CRACD: variants seen among roughly 807,000 people sequenced by gnomAD.
CRACD encodes the protein capping protein inhibiting regulator of actin dynamics.
In CRACD, 56 loss-of-function variants were observed where a neutral mutation model predicts 106.8. That is an observed-to-expected ratio of 0.52 (90% CI 0.42 to 0.66). The LOEUF (loss-of-function observed/expected upper bound fraction) is 0.66. Ranked by LOEUF, CRACD falls within the 30% of genes least tolerant of loss-of-function variation. The pLI, the probability that CRACD is intolerant of heterozygous loss-of-function variation, is 0.00. For synonymous variants in CRACD, 754 were observed against 670.8 expected, an observed-to-expected ratio of 1.12 and a Z score of -1.92; for missense variants, 1,730 against 1,623.2, an observed-to-expected ratio of 1.07 and a Z score of -1.13.
intron 1 of CRACD, among the ~76,000 whole-genome samples, chr4:56,137,556 A>G (rs1367213587): frequency 6.6e-6 from 1 of 152,214 alleles, no homozygotes; most frequent in Non-Finnish European, 1.5e-5. Context: ...GCCTAAAAAC[A>G]TTGCTTCAGA....
intron 1 of CRACD, among the ~76,000 whole-genome samples, chr4:56,158,829 C>T (rs1735847169): frequency 6.6e-6 from 1 of 152,238 alleles, no homozygotes; most frequent in African/African-American, 2.4e-5. Flanking sequence ...CAGCACAGAT[C>T]TTAGAGCACA....
chr4:56,296,820 T>G (rs1042430254), intron 3 of CRACD, among the ~76,000 whole-genome samples: 1 of 152,202 alleles, frequency 6.6e-6, no homozygotes, highest in Non-Finnish European at 1.5e-5. Flanking sequence ...CAGAGATAAG[T>G]TAGTTTCCAA....
At chr4:56,293,578 G>C (rs1005591204) in intron 3 of CRACD, among the ~76,000 whole-genome samples, 1 of 152,196 alleles carries the variant, frequency 6.6e-6, no homozygotes, top group Non-Finnish European at 1.5e-5. Flanking sequence ...AAGCATAGTG[G>C]CTTCCACTTC....
At chr4:56,236,817 G>A (rs1302578395) in intron 2 of CRACD, among the ~76,000 whole-genome samples, 1 of 151,204 alleles carries the variant, frequency 6.6e-6, no homozygotes, top group African/African-American at 2.4e-5. Context: ...AAATATATTT[G>A]CAACGTATTA....
At chr4:56,091,379 T>TA (rs1560448193) in intron 1 of CRACD, among the ~76,000 whole-genome samples, 1 of 135,342 alleles carries the variant, frequency 7.4e-6, no homozygotes, top group African/African-American at 2.9e-5. Context: ...TTTTTTTTTT[T>TA]AAACGCAGGC....
intron 1 of CRACD, among the ~76,000 whole-genome samples, chr4:56,173,270 A>G (rs889995341): frequency 1.3e-5 from 2 of 152,206 alleles, no homozygotes; most frequent in African/African-American, 4.8e-5. Context: ...CCTTCAAAAC[A>G]TGCATTGCCT....
intron 1 of CRACD, among the ~76,000 whole-genome samples, chr4:56,176,942 G>A (rs532280798): frequency 6.6e-6 from 1 of 152,218 alleles, no homozygotes; most frequent in South Asian, 2.1e-4. Flanking sequence ...GAATTTATCA[G>A]TTCTAACAGT....
At chr4:56,308,068 T>A (rs1744865771) in intron 5 of CRACD, among the ~76,000 whole-genome samples, 1 of 152,238 alleles carries the variant, frequency 6.6e-6, no homozygotes, top group African/African-American at 2.4e-5. Flanking sequence ...TCCATGTAAC[T>A]GTTTTCTCTC....
intron 5 of CRACD, chr4:56,308,931 C>T (rs1038648990): frequency 7.8e-6 from 10 of 1,287,212 alleles, no homozygotes; most frequent in South Asian, 6.2e-5. Context: ...CAGGCTCTGT[C>T]TCAGATATGG....
intron 6 of CRACD, 161 bp downstream of exon 6, chr4:56,310,895 G>A (rs555531735): frequency 3.4e-6 from 2 of 592,146 alleles, no homozygotes; most frequent in South Asian, 4.0e-5. Flanking sequence ...ACAGATGTTG[G>A]AGCATCTGTT....
intron 2 of CRACD, among the ~76,000 whole-genome samples, chr4:56,258,121 A>G (rs929592616): frequency 2.0e-5 from 3 of 152,192 alleles, no homozygotes; most frequent in Middle Eastern, 3.4e-3. Flanking sequence ...TTTACCATTT[A>G]GTCTATGAGG....
intron 3 of CRACD, among the ~76,000 whole-genome samples, chr4:56,292,168 C>A (rs910464086): frequency 1.3e-5 from 2 of 152,204 alleles, no homozygotes; most frequent in Admixed American, 1.3e-4. Flanking sequence ...GCATTGTGTT[C>A]ATTCCCTAGG....
intron 3 of CRACD, among the ~76,000 whole-genome samples, chr4:56,283,392 A>G (rs1220708353): frequency 6.6e-6 from 1 of 152,134 alleles, no homozygotes; most frequent in East Asian, 1.9e-4. Context: ...TTCTCAAGTC[A>G]AGGTGACTCC....
At chr4:56,118,809 C>T (rs750588768) in intron 1 of CRACD, among the ~76,000 whole-genome samples, 7 of 152,254 alleles carry the variant, frequency 4.6e-5, no homozygotes, top group Non-Finnish European at 5.9e-5. Flanking sequence ...GGGAAGAATA[C>T]AAGAGTATAG....
chr4:56,259,526 G>T (rs936196534), intron 2 of CRACD, among the ~76,000 whole-genome samples: 28 of 152,258 alleles, frequency 1.8e-4, no homozygotes, highest in Admixed American at 1.1e-3. Context: ...AAAAAGAAAA[G>T]AAGTTATTTA....
intron 1 of CRACD, among the ~76,000 whole-genome samples, chr4:56,119,465 G>A (rs1367550093): frequency 1.3e-5 from 2 of 151,866 alleles, no homozygotes; most frequent in African/African-American, 4.8e-5. Context: ...CAAGTAGCTG[G>A]GACTACAGGT....
intron 2 of CRACD, among the ~76,000 whole-genome samples, chr4:56,198,756 A>G (rs909379599): frequency 2.0e-5 from 3 of 152,178 alleles, no homozygotes; most frequent in Non-Finnish European, 4.4e-5. Context: ...AAGACAATAT[A>G]AATTTGTGCT....
chr4:56,255,131 A>T (rs936627134), intron 2 of CRACD, among the ~76,000 whole-genome samples: 1 of 149,952 alleles, frequency 6.7e-6, no homozygotes. Context: ...AAAAAAAAAA[A>T]AAACTAAAAA....
chr4:56,150,612 T>C (rs558565356), intron 1 of CRACD, among the ~76,000 whole-genome samples: 1 of 152,330 alleles, frequency 6.6e-6, no homozygotes, highest in African/African-American at 2.4e-5. Context: ...CCTTAAAGTA[T>C]TACCAGCTAA....
Sources: gnomAD v4.1 joint callset for allele counts (sites outside exome capture counted in the v4.1 genomes callset) on GRCh38, gnomAD v4.1.1 for gene constraint, MANE v1.5 for transcripts, NCBI Gene and HGNC (gene_info 2026-07-23, HGNC 2026-07-21) for gene names.